Variants in DTNB observed in about 807,000 individuals in gnomAD.
DTNB encodes the protein dystrobrevin beta, also known as DTN-B.
A neutral mutation model predicts 90.7 loss-of-function variants in DTNB; 63 were observed. That is an observed-to-expected ratio of 0.69 (90% CI 0.57 to 0.86). The LOEUF (loss-of-function observed/expected upper bound fraction) is 0.86, where lower values mean the gene tolerates loss of function less well. DTNB is among the 40% of genes least tolerant of loss of function. The pLI is 0.00. For missense variants in DTNB, 744 were observed against 807.1 expected (o/e 0.92, Z 0.95); for synonymous variants, 277 against 286.7 (o/e 0.97, Z 0.34).
intron 16 of DTNB, among the ~76,000 whole-genome samples, chr2:25,414,941 A>G (rs1262821873): frequency 6.6e-6 from 1 of 152,154 alleles, no homozygotes; most frequent in East Asian, 1.9e-4. Flanking sequence ...CACTCAGTGA[A>G]GTCTTATCTG....
At chr2:25,593,690 C>T (rs2063997176) in intron 6 of DTNB, among the ~76,000 whole-genome samples, 1 of 152,116 alleles carries the variant, frequency 6.6e-6, no homozygotes, top group African/African-American at 2.4e-5. Flanking sequence ...TTGCAGAATC[C>T]TAGATAGCAT....
Position 25,518,987 on chromosome 2 carries a change from A to T in DTNB, c.1001+12486T>A, listed in dbSNP as rs570177631. Among the ~76,000 whole-genome samples, 21 of 152,328 alleles carry T rather than the reference A, an allele frequency of 1.4e-4. No homozygotes were observed. In the South Asian group the frequency reaches 1.9e-3, roughly 14 times the overall value. ...AACAAAAAGCAACTCTTCTTTTACC[A>T]AAAAGACAAATTGAATAGACCCCAA... On this transcript the variant is annotated intron_variant, in intron 9 of 20. Coordinates refer to ENST00000406818, the MANE Select transcript of DTNB (RefSeq NM_021907.5).
In DTNB at chr2:25,598,625, T is replaced by C. The variant is rs552481950; in HGVS notation, c.449-2385A>G. ...CCTTCAAAATATAATTTAGAATAGA[T>C]ACAAAAACACATAAGCAGGAATTGT... is the stretch of plus-strand genomic sequence containing the variant. On this transcript the variant is annotated intron_variant, in intron 5 of 20. Coordinates refer to ENST00000406818, the MANE Select transcript of DTNB (RefSeq NM_021907.5). 2.0e-5 allele frequency among the ~76,000 whole-genome samples: 3 copies of C among 152,250 alleles called. No individual in the cohort carries two copies. In the East Asian group the frequency reaches 5.8e-4, roughly 29 times the overall value.
At chr2:25,473,907 A>G (rs957913092) in intron 10 of DTNB, among the ~76,000 whole-genome samples, 5 of 152,088 alleles carry the variant, frequency 3.3e-5, no homozygotes, top group African/African-American at 9.7e-5. Context: ...TTTTCCCCAA[A>G]CTTGCTCCTT....
intron 8 of DTNB, among the ~76,000 whole-genome samples, chr2:25,574,775 G>A (rs980314319): frequency 1.3e-5 from 2 of 152,000 alleles, no homozygotes; most frequent in South Asian, 4.1e-4. Flanking sequence ...AATTATGCAG[G>A]ATAACAATGC....
intron 16 of DTNB, among the ~76,000 whole-genome samples, chr2:25,414,246 T>C (rs1397760820): frequency 6.6e-6 from 1 of 152,138 alleles, no homozygotes; most frequent in Non-Finnish European, 1.5e-5. Context: ...ACTCTGATGG[T>C]AGTTTTTTTT....
In DTNB at chr2:25,580,716, C is replaced by T; in HGVS notation, c.709+5G>A. Reference sequence around the variant, plus strand: ...GCGGAATTGAACAATAAAAGTTCTGCTTACCATTCTCAACATGGGCAAGCC... The same window carrying T: ...GCGGAATTGAACAATAAAAGTTCTGTTTACCATTCTCAACATGGGCAAGCC... On this transcript the variant is annotated splice_donor_5th_base_variant and intron_variant, in intron 7 of 20. Coordinates refer to ENST00000406818, the MANE Select transcript of DTNB (RefSeq NM_021907.5). 1.9e-6 allele frequency: 3 copies of T among 1,612,650 alleles called. No homozygotes were observed. Among genetic ancestry groups the T allele is most frequent in the African/African-American group, 1.3e-5 (1 of 75,010 alleles).
intron 3 of DTNB, among the ~76,000 whole-genome samples, chr2:25,637,629 G>C (rs369289903): frequency 2.0e-5 from 3 of 152,288 alleles, no homozygotes; most frequent in Admixed American, 6.5e-5. Context: ...CACTGGCCAT[G>C]AGAGAAATGC....
At chr2:25,608,629 T>A (rs2067683054) in intron 4 of DTNB, among the ~76,000 whole-genome samples, 1 of 152,202 alleles carries the variant, frequency 6.6e-6, no homozygotes, top group African/African-American at 2.4e-5. Flanking sequence ...AGATAGATCA[T>A]TAGGTTAAAA....
At chr2:25,414,748 T>C (rs1441563638) in intron 16 of DTNB, among the ~76,000 whole-genome samples, 1 of 152,148 alleles carries the variant, frequency 6.6e-6, no homozygotes, top group East Asian at 1.9e-4. Context: ...TCAGCAAATA[T>C]TTATTGAGTA....
intron 1 of DTNB, among the ~76,000 whole-genome samples, chr2:25,666,363 A>G (rs1041921321): frequency 6.6e-6 from 1 of 152,204 alleles, no homozygotes; most frequent in Non-Finnish European, 1.5e-5. Context: ...AGAACAGAAG[A>G]AAACTTCCTT....
At chr2:25,593,645 A>G (rs1223709168) in intron 6 of DTNB, among the ~76,000 whole-genome samples, 2 of 152,238 alleles carry the variant, frequency 1.3e-5, no homozygotes, top group African/African-American at 4.8e-5. Flanking sequence ...TTGTGAGTTC[A>G]AAGCCCTCAC....
chr2:25,597,972 G>A (rs1243523700), intron 5 of DTNB, among the ~76,000 whole-genome samples: 2 of 152,202 alleles, frequency 1.3e-5, no homozygotes, highest in African/African-American at 4.8e-5. Flanking sequence ...TAACTATGCT[G>A]AGCTGCCAGT....
intron 15 of DTNB, chr2:25,426,715 T>C (rs1380836447): frequency 6.6e-6 from 1 of 152,208 alleles, no homozygotes; most frequent in African/African-American, 2.4e-5. Context: ...TCCATGACTG[T>C]GTGAGACAAT....
At chr2:25,459,634 C>T (rs2060619516) in intron 10 of DTNB, among the ~76,000 whole-genome samples, 1 of 152,128 alleles carries the variant, frequency 6.6e-6, no homozygotes, top group Non-Finnish European at 1.5e-5. Flanking sequence ...ACTGGGATTA[C>T]AGGCGTGTAC....
chr2:25,503,844 G>A (rs2071501974), intron 9 of DTNB, among the ~76,000 whole-genome samples: 1 of 151,980 alleles, frequency 6.6e-6, no homozygotes, highest in Admixed American at 6.5e-5. Flanking sequence ...GTGAACCCTG[G>A]AGGTGGAGCT....
chr2:25,551,164 T>C (rs1224629718), intron 8 of DTNB, among the ~76,000 whole-genome samples: 2 of 152,236 alleles, frequency 1.3e-5, no homozygotes, highest in Non-Finnish European at 2.9e-5. Context: ...ATTTGCTATG[T>C]AGCCCATCCA....
intron 1 of DTNB, among the ~76,000 whole-genome samples, chr2:25,666,406 A>G (rs1051818286): frequency 1.3e-5 from 2 of 152,244 alleles, no homozygotes; most frequent in Non-Finnish European, 2.9e-5. Flanking sequence ...AAAAACCAAC[A>G]GTAAACATCA....
intron 1 of DTNB, among the ~76,000 whole-genome samples, chr2:25,664,705 C>T (rs1168240714): frequency 1.3e-5 from 2 of 152,166 alleles, no homozygotes. Flanking sequence ...GGTGAGAAGA[C>T]AAGACCGTGC....
Sources: gnomAD v4.1 joint callset for allele counts (sites outside exome capture counted in the v4.1 genomes callset) on GRCh38, gnomAD v4.1.1 for gene constraint, MANE v1.5 for transcripts, NCBI Gene and HGNC (gene_info 2026-07-23, HGNC 2026-07-21) for gene names.